The following CGREF1 variants were observed in gnomAD, a reference collection of about 807,000 sequenced individuals.
The protein encoded by CGREF1 is cell growth regulator with EF hand domain protein 1.
CGREF1 carries 16 observed loss-of-function variants against 17.4 expected under a neutral mutation model. That is an observed-to-expected ratio of 0.92 (90% confidence interval 0.62 to 1.40). The LOEUF is 1.40. CGREF1 is among the 40% of genes most tolerant of loss of function. CGREF1 has a pLI of 0.00. For synonymous variants in CGREF1, 142 were observed against 154.6 expected, an observed-to-expected ratio of 0.92 and a Z score of 0.61; for missense variants, 296 against 376.4, an observed-to-expected ratio of 0.79 and a Z score of 1.77.
At chr2:27,107,716 C>CCT in intron 1 of CGREF1, among the ~76,000 whole-genome samples, 1 of 150,630 alleles carries the variant, frequency 6.6e-6, no homozygotes, top group East Asian at 2.0e-4. Context: ...TGGTGGATCA[C>CCT]GAGGTCAGGT....
chr2:27,114,764 C>T (rs1671512528), intron 1 of CGREF1, among the ~76,000 whole-genome samples: 1 of 152,068 alleles, frequency 6.6e-6, no homozygotes, highest in South Asian at 2.1e-4. Flanking sequence ...AGCCCAACAA[C>T]CAGACAGGGG....
rs1572887316 is a variant in CGREF1 at position 27,101,108 on chromosome 2, G to A, written c.*166C>T. On this transcript the variant is annotated 3_prime_UTR_variant, in exon 6 of 6. Transcript: ENST00000402394. ...TCATTCAGTTCTTTATTGGTAATCTGCCCCTTAACTTAGGGTCTCCCTGAG... is the reference window on the plus strand; with the variant it reads ...TCATTCAGTTCTTTATTGGTAATCTACCCCTTAACTTAGGGTCTCCCTGAG... The A allele has an allele frequency of 1.4e-6, 2 of 1,383,152 alleles. No individual in the cohort carries two copies. The highest frequency in any genetic ancestry group is 2.7e-5 in the East Asian group (1 of 37,566). 85.7% of individuals were successfully genotyped at this position (1,383,152 alleles called of 1,614,324 possible).
downstream of CGREF1, chr2:27,100,291 G>A (rs867699815): frequency 1.0e-4 from 49 of 487,566 alleles, no homozygotes; most frequent in Middle Eastern, 4.6e-3. Flanking sequence ...CAGGCCAGTG[G>A]GGGGCAGGGG....
chr2:27,104,878 A>G (rs1671058712), intron 1 of CGREF1: 3 of 1,281,648 alleles, frequency 2.3e-6, no homozygotes, highest in East Asian at 2.6e-5. Context: ...GAACAAATCA[A>G]AAGAGGCGCA....
Position 27,101,737 on chromosome 2 carries a change from G to A in CGREF1, c.494C>T (p.Ala165Val). The change falls in exon 6 of 6, where the codon GCT becomes GTT. Residue 165 changes from alanine to valine, a missense_variant. By Grantham distance (64) the Ala-to-Val change is moderately conservative (BLOSUM62 0). This residue lies in a region of CGREF1 where 247 missense variants were observed against 267.2 expected (regional missense o/e 0.92). Transcript: ENST00000402394. ...AGCTAATAGGGACTGCCTTCCAACAGCTTGTGGCTCCTGAGGAGATGGAGC... is the reference window on the plus strand; with the variant it reads ...AGCTAATAGGGACTGCCTTCCAACAACTTGTGGCTCCTGAGGAGATGGAGC... ...PLAPSPQEPQ[A>V]VGRQSLLAKS... 1 of 1,614,258 alleles carries A rather than the reference G, an allele frequency of 6.2e-7. No homozygotes were observed.
intron 1 of CGREF1, among the ~76,000 whole-genome samples, chr2:27,109,574 T>C (rs995430062): frequency 6.6e-6 from 1 of 152,094 alleles, no homozygotes; most frequent in Middle Eastern, 3.4e-3. Flanking sequence ...AGTGGACATA[T>C]TGATGAACTT....
chr2:27,103,379 T>TA (rs1670985154), intron 2 of CGREF1, among the ~76,000 whole-genome samples: 1 of 10,958 alleles, frequency 9.1e-5, no homozygotes, highest in Non-Finnish European at 2.2e-3. Flanking sequence ...CACCATAAGG[T>TA]CTTTTTTTTT....
At chr2:27,099,511 C>T (rs199989985), downstream of CGREF1, 9 of 1,614,142 alleles carry the variant, frequency 5.6e-6, no homozygotes, top group East Asian at 6.7e-5. Context: ...CCCGCCACCC[C>T]GCGTGGTGGA....
At chr2:27,105,629 C>T (rs922082153) in intron 1 of CGREF1, among the ~76,000 whole-genome samples, 2 of 152,134 alleles carry the variant, frequency 1.3e-5, no homozygotes, top group African/African-American at 4.8e-5. Context: ...TCACTGCAAC[C>T]TCCACCTCCC....
chr2:27,099,356 A>G (rs2148370347), downstream of CGREF1: 2 of 1,612,328 alleles, frequency 1.2e-6, no homozygotes, highest in Non-Finnish European at 1.7e-6. Context: ...TCCGCCCTGG[A>G]GCTGGGAGGA....
At chr2:27,099,633 C>A, downstream of CGREF1, 1 of 1,614,162 alleles carries the variant, frequency 6.2e-7, no homozygotes, top group Non-Finnish European at 8.5e-7. Flanking sequence ...CCCCAAACAC[C>A]TGGCTGACCT....
At chr2:27,117,492 A>G (rs1671628707) in intron 1 of CGREF1, among the ~76,000 whole-genome samples, 1 of 152,250 alleles carries the variant, frequency 6.6e-6, no homozygotes, top group Non-Finnish European at 1.5e-5. Flanking sequence ...ATAACTGTTA[A>G]CAGTTGCCAT....
intron 1 of CGREF1, 175 bp downstream of exon 1, chr2:27,118,669 CAG>C (rs1328008152): frequency 1.3e-5 from 2 of 152,386 alleles, no homozygotes; most frequent in Non-Finnish European, 2.9e-5. Flanking sequence ...CACCTGCCCT[CAG>C]GGTACACAGG....
At chr2:27,111,540 G>A (rs1217695099) in intron 1 of CGREF1, among the ~76,000 whole-genome samples, 3 of 152,250 alleles carry the variant, frequency 2.0e-5, no homozygotes, top group Non-Finnish European at 4.4e-5. Context: ...GGTGGTCGAT[G>A]GGACAGGGCG....
chr2:27,108,320 CTGATA>C (rs1671216700), intron 1 of CGREF1, among the ~76,000 whole-genome samples: 1 of 151,858 alleles, frequency 6.6e-6, no homozygotes, highest in African/African-American at 2.4e-5. Flanking sequence ...TTAGACACAA[CTGATA>C]TGAGAGTTAA....
intron 1 of CGREF1, among the ~76,000 whole-genome samples, chr2:27,107,636 TAAA>T (rs555266964): frequency 7.2e-6 from 1 of 138,198 alleles, no homozygotes; most frequent in Non-Finnish European, 1.6e-5. Flanking sequence ...CAGTATGTTT[TAAA>T]AAAAAAAAAA....
chr2:27,099,728 A>T, downstream of CGREF1: 1 of 1,614,124 alleles, frequency 6.2e-7, no homozygotes, highest in Non-Finnish European at 8.5e-7. Context: ...TGTGGCCTGC[A>T]GGGCTTTGAT....
At chr2:27,107,411 C>T (rs762220724) in intron 1 of CGREF1, among the ~76,000 whole-genome samples, 5 of 151,904 alleles carry the variant, frequency 3.3e-5, no homozygotes, top group Non-Finnish European at 5.9e-5. Context: ...TGTGCCACCA[C>T]GCCCTGCTAA....
chr2:27,115,971 C>T (rs759560659), intron 1 of CGREF1, among the ~76,000 whole-genome samples: 4 of 151,964 alleles, frequency 2.6e-5, no homozygotes, highest in Non-Finnish European at 5.9e-5. Flanking sequence ...CCCAGTACTT[C>T]GCAGGCCAAG....
Sources: gnomAD v4.1 joint callset for allele counts (sites outside exome capture counted in the v4.1 genomes callset) on GRCh38, gnomAD v4.1.1 for gene constraint, gnomAD v4.1.1 regional missense constraint, MANE v1.5 for transcripts, NCBI Gene and HGNC (gene_info 2026-07-23, HGNC 2026-07-21) for gene names.